The following SNX18 variants were observed in gnomAD, a reference collection of about 807,000 sequenced individuals.
SNX18 encodes sorting nexin-18.
Under a neutral mutation model 48.7 loss-of-function variants are expected in SNX18, and 35 were observed. The observed-to-expected ratio is 0.72, with a 90% CI of 0.55 to 0.95. The LOEUF is 0.95. SNX18 is among the 40% of genes least tolerant of loss of function. The pLI is 0.00. For synonymous variants in SNX18, 492 were observed against 384.7 expected, an observed-to-expected ratio of 1.28 and a Z score of -3.26; for missense variants, 824 against 871.0, an observed-to-expected ratio of 0.95 and a Z score of 0.68.
At chr5:54,528,139 T>C (rs988109485) in intron 1 of SNX18, among the ~76,000 whole-genome samples, 5 of 150,132 alleles carry the variant, frequency 3.3e-5, no homozygotes, top group Non-Finnish European at 7.4e-5. Context: ...TACACGCACA[T>C]ACACACACAC....
intron 1 of SNX18, among the ~76,000 whole-genome samples, chr5:54,526,785 G>A (rs1762139286): frequency 6.6e-6 from 1 of 152,190 alleles, no homozygotes; most frequent in Admixed American, 6.5e-5. Context: ...AAGTTTTGAT[G>A]TATGTTGGAG....
chr5:54,553,574 A>G, the SNX18 span, among the ~76,000 whole-genome samples: 2 of 152,206 alleles, frequency 1.3e-5, no homozygotes, highest in East Asian at 3.9e-4. Context: ...CTTATTATCT[A>G]TTAAGTACTA....
chr5:54,609,451 T>A, the SNX18 span, among the ~76,000 whole-genome samples: 1 of 152,152 alleles, frequency 6.6e-6, no homozygotes, highest in African/African-American at 2.4e-5. Flanking sequence ...ATCTCTATGA[T>A]GGTATTCATT....
the SNX18 span, among the ~76,000 whole-genome samples, chr5:54,575,529 G>T: frequency 1.3e-5 from 2 of 151,732 alleles, no homozygotes; most frequent in Non-Finnish European, 2.9e-5. Context: ...TCACCACCAC[G>T]CCTGGCTAAC....
the SNX18 span, among the ~76,000 whole-genome samples, chr5:54,642,150 TGA>T: frequency 6.6e-6 from 1 of 152,204 alleles, no homozygotes; most frequent in African/African-American, 2.4e-5. Flanking sequence ...ATGAAAGGTC[TGA>T]GAGAAGGAGG....
chr5:54,594,408 T>C, the SNX18 span, among the ~76,000 whole-genome samples: 145,062 of 152,222 alleles, frequency 0.95, 69,215 homozygotes, highest in South Asian at 0.98. Context: ...CAATCTGAGG[T>C]TGCTATTCTT....
the SNX18 span, among the ~76,000 whole-genome samples, chr5:54,616,500 C>A: frequency 6.6e-6 from 1 of 152,140 alleles, no homozygotes; most frequent in East Asian, 1.9e-4. Context: ...TGGCCAGGCA[C>A]GGTGGCTCAC....
the SNX18 span, among the ~76,000 whole-genome samples, chr5:54,604,519 G>T: frequency 6.6e-6 from 1 of 152,154 alleles, no homozygotes; most frequent in African/African-American, 2.4e-5. Context: ...GAAACAAAAG[G>T]ACAGATATTG....
intron 1 of SNX18, among the ~76,000 whole-genome samples, chr5:54,532,896 A>T (rs1762277591): frequency 6.6e-6 from 1 of 152,196 alleles, no homozygotes; most frequent in East Asian, 1.9e-4. Context: ...TCATCTTTTA[A>T]GGTATTTATA....
chr5:54,542,924 A>G (rs1282817562), intron 1 of SNX18, among the ~76,000 whole-genome samples: 2 of 152,228 alleles, frequency 1.3e-5, no homozygotes, highest in East Asian at 3.8e-4. Flanking sequence ...GAGATGGGAT[A>G]CTACAGATTC....
At chr5:54,581,070 C>T in the SNX18 span, among the ~76,000 whole-genome samples, 8 of 152,066 alleles carry the variant, frequency 5.3e-5, no homozygotes, top group South Asian at 2.1e-4. Context: ...GACCCCTGGT[C>T]GCAAGGAAGC....
At chr5:54,630,080 C>T in the SNX18 span, among the ~76,000 whole-genome samples, 1 of 152,200 alleles carries the variant, frequency 6.6e-6, no homozygotes, top group Non-Finnish European at 1.5e-5. Context: ...TCTCGACTTA[C>T]CCATTGTCTA....
At chr5:54,531,713 G>A (rs111755237) in intron 1 of SNX18, among the ~76,000 whole-genome samples, 1,991 of 152,292 alleles carry the variant, frequency 0.013, 16 homozygotes, top group Non-Finnish European at 0.019. Flanking sequence ...CTGCCAGTGC[G>A]AGGCAGCGGG....
intron 1 of SNX18, among the ~76,000 whole-genome samples, chr5:54,542,915 A>C (rs192450124): frequency 3.0e-4 from 46 of 152,318 alleles, no homozygotes; most frequent in Admixed American, 1.4e-3. Flanking sequence ...TACTTGGAAG[A>C]GATGGGATAC....
At chr5:54,613,481 C>T in the SNX18 span, among the ~76,000 whole-genome samples, 5 of 152,072 alleles carry the variant, frequency 3.3e-5, no homozygotes, top group African/African-American at 1.2e-4. Flanking sequence ...GAGGGCTCTG[C>T]CTCTTCACCC....
chr5:54,548,163 C>G (rs1273736811), downstream of SNX18, among the ~76,000 whole-genome samples: 1 of 152,162 alleles, frequency 6.6e-6, no homozygotes, highest in Non-Finnish European at 1.5e-5. Flanking sequence ...TGTGTCAGAG[C>G]TTCTCAAACT....
At chr5:54,620,648 G>C in the SNX18 span, among the ~76,000 whole-genome samples, 1 of 152,210 alleles carries the variant, frequency 6.6e-6, no homozygotes. Context: ...AGCCAGACAG[G>C]AAAAGAACTA....
chr5:54,619,598 T>C, the SNX18 span, among the ~76,000 whole-genome samples: 1 of 152,160 alleles, frequency 6.6e-6, no homozygotes. Flanking sequence ...ACACTATCTA[T>C]GATTCTTTTT....
chr5:54,572,907 C>T, the SNX18 span, among the ~76,000 whole-genome samples: 5 of 147,732 alleles, frequency 3.4e-5, no homozygotes, highest in African/African-American at 1.3e-4. Flanking sequence ...AATTCTTCTG[C>T]CTCAGCCTGT....
Sources: allele counts gnomAD v4.1 joint callset (sites outside exome capture counted in the v4.1 genomes callset), GRCh38; gene constraint gnomAD v4.1.1; transcripts MANE v1.5; gene names NCBI Gene and HGNC (gene_info 2026-07-23, HGNC 2026-07-21).